Variants in MBTPS1 observed in about 807,000 individuals in gnomAD.
MBTPS1 encodes membrane bound transcription factor peptidase, site 1, also known as membrane-bound transcription factor site-1 protease.
Under a neutral mutation model 127.8 loss-of-function variants are expected in MBTPS1, and 94 were observed. That is an observed-to-expected ratio of 0.74 (90% CI 0.62 to 0.87). The LOEUF is 0.87. Among genes scored for constraint, MBTPS1 ranks in the 40% least tolerant of loss-of-function variants. The pLI is 0.00. For missense variants in MBTPS1, 1,636 were observed against 1,353.2 expected (o/e 1.21, Z -3.28); for synonymous variants, 632 against 509.4 (o/e 1.24, Z -3.24).
intron 11 of MBTPS1, among the ~76,000 whole-genome samples, chr16:84,079,246 C>T (rs150523428): frequency 2.0e-5 from 3 of 152,224 alleles, no homozygotes; most frequent in Admixed American, 6.5e-5. Context: ...GTACAGCCTG[C>T]AGAACCAGGA....
At chr16:84,073,150 T>C (rs2085798238) in intron 12 of MBTPS1, among the ~76,000 whole-genome samples, 4 of 152,216 alleles carry the variant, frequency 2.6e-5, no homozygotes, top group African/African-American at 9.6e-5. Flanking sequence ...TTCTTTTCTT[T>C]TTGAGATGGA....
intron 10 of MBTPS1, among the ~76,000 whole-genome samples, chr16:84,084,000 C>G (rs957952778): frequency 6.6e-6 from 1 of 152,156 alleles, no homozygotes; most frequent in Non-Finnish European, 1.5e-5. Context: ...TGCTCTGTCA[C>G]CCAGGCTGGA....
intron 17 of MBTPS1, 55 bp from the exon 18 acceptor site, chr16:84,065,822 A>G (rs1416588609): frequency 9.7e-7 from 1 of 1,035,138 alleles, no homozygotes; most frequent in East Asian, 2.6e-5. Flanking sequence ...CACTTTAATA[A>G]ATAATAGCTA....
chr16:84,059,724 CG>C (rs2151140621), intron 20 of MBTPS1: 1 of 209,882 alleles, frequency 4.8e-6, no homozygotes, highest in African/African-American at 2.3e-5. Context: ...CACTGACACA[CG>C]CAAGGCTACA....
In MBTPS1 at chr16:84,091,837, T is replaced by C. The variant is rs1331447113; in HGVS notation, c.858A>G (p.Thr286=). Residue 286 remains threonine, a synonymous_variant, in exon 7 of 23, where the codon ACA becomes ACG. Coordinates refer to ENST00000343411, the MANE Select transcript of MBTPS1 (RefSeq NM_003791.4). ...RVFTNNQVSY[T]SWFLDAFNYA... ...AGTTGAAGGCGTCCAAAAACCAAGA[T>C]GTGTAAGATACCTAGTTAAATATTA... 7 of 1,589,266 alleles carry C rather than the reference T, an allele frequency of 4.4e-6. No individual in the cohort carries two copies. Among genetic ancestry groups the C allele is most frequent in the South Asian group, 1.1e-5 (1 of 90,586 alleles).
rs1403270616 is a variant in MBTPS1, at chr16:84,101,951, T to C, written c.-168A>G. 1 of 623,058 alleles carries C rather than the reference T, an allele frequency of 1.6e-6. No homozygotes were observed. Among genetic ancestry groups the C allele is most frequent in the Non-Finnish European group, 2.8e-6 (1 of 356,160 alleles). The allele number at this position is 623,058 out of a possible 1,614,324, so 38.6% of individuals were successfully genotyped here. ...GTTAAATCCCATGGCCTTTTGTGGT[T>C]CAGCCTGAAGAGAGGCTTTCATTTC... On this transcript the variant is annotated 5_prime_UTR_variant, in exon 2 of 23. Transcript: ENST00000343411.
At chr16:84,091,906 A>G in intron 6 of MBTPS1, 58 bp from the exon 7 acceptor site, 1 of 997,994 alleles carries the variant, frequency 1.0e-6, no homozygotes, top group Admixed American at 1.9e-5. Flanking sequence ...AAGTGCTAGG[A>G]CAGTTTTTAT....
At chr16:84,072,533 T>C (rs1452349552) in intron 12 of MBTPS1, among the ~76,000 whole-genome samples, 1 of 152,182 alleles carries the variant, frequency 6.6e-6, no homozygotes, top group Non-Finnish European at 1.5e-5. Context: ...GGCTCACACC[T>C]GTAATCCCAG....
intron 11 of MBTPS1, chr16:84,081,383 T>C (rs2151156161): frequency 6.3e-6 from 1 of 159,878 alleles, no homozygotes; most frequent in African/African-American, 2.4e-5. Flanking sequence ...TCCACTCATC[T>C]GAAATGGTGG....
In MBTPS1 at chr16:84,099,312, T is replaced by C; in HGVS notation, c.164-2A>G. ...ATCCATTGAAAGCCACAATATATTC[T>C]GAAACCAATCACCACAAACAAAAAT... On this transcript the variant is annotated splice_acceptor_variant, in intron 2 of 22. Transcript: ENST00000343411. LOFTEE classifies it high-confidence loss of function. 6.2e-7 allele frequency: 1 copy of C among 1,612,674 alleles called. No individual in the cohort carries two copies. Among genetic ancestry groups the C allele is most frequent in the Non-Finnish European group, 8.5e-7 (1 of 1,179,296 alleles).
chr16:84,097,453 G>C (rs2086191983), intron 3 of MBTPS1, among the ~76,000 whole-genome samples: 1 of 152,194 alleles, frequency 6.6e-6, no homozygotes, highest in Non-Finnish European at 1.5e-5. Context: ...ACTTCAAGGG[G>C]CATGGGAACG....
intron 1 of MBTPS1, chr16:84,109,539 A>C (rs955715518): frequency 6.6e-6 from 1 of 152,234 alleles, no homozygotes; most frequent in Non-Finnish European, 1.5e-5. Context: ...TGCACTGAGA[A>C]GAGCCGGCAT....
chr16:84,065,640 A>C (rs760429695), intron 18 of MBTPS1, 50 bp downstream of exon 18: 8 of 1,184,226 alleles, frequency 6.8e-6, no homozygotes, highest in Non-Finnish European at 8.9e-6. Flanking sequence ...GCGGGGGAAA[A>C]GGGAGCGAGA....
chr16:84,060,447 C>T (rs2085592528), intron 20 of MBTPS1: 1 of 469,250 alleles, frequency 2.1e-6, no homozygotes, highest in Non-Finnish European at 3.9e-6. Flanking sequence ...GGTCGGGGTG[C>T]ACGTGGGAAA....
chr16:84,062,379 A>G (rs2085625587), intron 19 of MBTPS1, among the ~76,000 whole-genome samples: 1 of 152,236 alleles, frequency 6.6e-6, no homozygotes, highest in Non-Finnish European at 1.5e-5. Context: ...TCGGCCTACC[A>G]AAGTGCTGGG....
intron 11 of MBTPS1, among the ~76,000 whole-genome samples, chr16:84,076,842 T>C (rs2085860823): frequency 6.6e-6 from 1 of 152,238 alleles, no homozygotes; most frequent in African/African-American, 2.4e-5. Flanking sequence ...TAAAATTTGA[T>C]GCAATTGCAA....
chr16:84,085,832 AG>A (rs1459160863), intron 9 of MBTPS1: 1 of 152,170 alleles, frequency 6.6e-6, no homozygotes. Flanking sequence ...GAAATATGTT[AG>A]AAAAATTAGA....
At chr16:84,104,497 C>G (rs2086297346) in intron 1 of MBTPS1, among the ~76,000 whole-genome samples, 1 of 151,978 alleles carries the variant, frequency 6.6e-6, no homozygotes, top group Non-Finnish European at 1.5e-5. Context: ...AAAAAAGCCT[C>G]TTAAAACTTT....
Position 84,069,925 on chromosome 16 carries a change from G to C in MBTPS1, c.1896C>G (p.Arg632=), listed in dbSNP as rs2085745407. 6.2e-7 allele frequency: 1 copy of C among 1,613,844 alleles called. No homozygotes were observed. Among genetic ancestry groups the C allele is most frequent in the South Asian group, 1.1e-5 (1 of 91,054 alleles). The change falls in exon 14 of 23, where the codon CGC becomes CGG. Residue 632 remains arginine, a synonymous_variant. Transcript: ENST00000343411. ...RVLWDQYHNL[R]YPPGYFPRDN... is the part of the protein sequence containing the mutation. ...CCCTGGGGAAATAGCCAGGTGGATA[G>C]CGGAGGTTGTGGTACTGATCCCAGA...
Sources: allele counts gnomAD v4.1 joint callset (sites outside exome capture counted in the v4.1 genomes callset), GRCh38; gene constraint gnomAD v4.1.1; transcripts MANE v1.5; gene names NCBI Gene and HGNC (gene_info 2026-07-23, HGNC 2026-07-21).